Variants in RNGTT observed in about 807,000 individuals in gnomAD.
RNGTT encodes the protein mRNA-capping enzyme.
In RNGTT, 33 loss-of-function variants were observed where a neutral mutation model predicts 79.3. The ratio of observed to expected loss-of-function variants is 0.42; its 90% confidence interval spans 0.32 to 0.56. The LOEUF (loss-of-function observed/expected upper bound fraction) is 0.56. Among genes scored for constraint, RNGTT ranks in the 20% least tolerant of loss-of-function variants. RNGTT has a pLI of 0.17. For synonymous variants in RNGTT, 222 were observed against 235.9 expected, an observed-to-expected ratio of 0.94 and a Z score of 0.54; for missense variants, 497 against 739.1, an observed-to-expected ratio of 0.67 and a Z score of 3.80.
chr6:88,808,425 A>G (rs143236959), intron 11 of RNGTT, among the ~76,000 whole-genome samples: 3 of 152,336 alleles, frequency 2.0e-5, no homozygotes, highest in African/African-American at 4.8e-5. Flanking sequence ...GAATAAGAAC[A>G]TTCTCAAGTA....
At chr6:88,635,984 A>T (rs1395178106) in intron 14 of RNGTT, among the ~76,000 whole-genome samples, 1 of 152,032 alleles carries the variant, frequency 6.6e-6, no homozygotes, top group Non-Finnish European at 1.5e-5. Context: ...CCTTTTTAAG[A>T]GATATAGGTC....
chr6:88,958,696 A>T (rs1174121977), intron 1 of RNGTT, among the ~76,000 whole-genome samples: 1 of 152,238 alleles, frequency 6.6e-6, no homozygotes, highest in African/African-American at 2.4e-5. Context: ...CATAATTAAA[A>T]TATCAAAAAA....
intron 1 of RNGTT, among the ~76,000 whole-genome samples, chr6:88,947,260 C>A: frequency 1.5e-5 from 1 of 65,840 alleles, no homozygotes; most frequent in Non-Finnish European, 2.9e-5. Flanking sequence ...CCCGGCCGCC[C>A]ATATTCTGAG....
intron 13 of RNGTT, among the ~76,000 whole-genome samples, chr6:88,720,923 A>T (rs900595365): frequency 6.6e-6 from 1 of 152,068 alleles, no homozygotes; most frequent in African/African-American, 2.4e-5. Flanking sequence ...ACGTCAAACC[A>T]TGTTTTTTAT....
intron 14 of RNGTT, among the ~76,000 whole-genome samples, chr6:88,629,514 C>T (rs913083345): frequency 1.3e-5 from 2 of 152,066 alleles, no homozygotes; most frequent in African/African-American, 4.8e-5. Flanking sequence ...CATTTTGTTC[C>T]CTCCTTCCCC....
chr6:88,630,001 C>T (rs1370161657), intron 14 of RNGTT, among the ~76,000 whole-genome samples: 1 of 152,090 alleles, frequency 6.6e-6, no homozygotes, highest in Non-Finnish European at 1.5e-5. Flanking sequence ...GAATGCGCCC[C>T]CTACCAATGC....
rs202043082 is a variant in RNGTT, at chr6:88,746,037, GGGTTCT to G, written c.1439+23731_1439+23736del. 5.0e-3 allele frequency among the ~76,000 whole-genome samples: 763 copies of G among 152,266 alleles called. 5 individuals are homozygous for G. Among genetic ancestry groups the G allele is most frequent in the African/African-American group, 0.017 (705 of 41,556 alleles). On this transcript the variant is annotated intron_variant, in intron 13 of 15. Transcript: ENST00000369485. ...AAGGGACACTACAAGGGCATAGCCT[GGGTTCT>G]GGTTTGGATGTTTTTCTATGATGCA...
intron 11 of RNGTT, among the ~76,000 whole-genome samples, chr6:88,827,935 T>A (rs1287262438): frequency 6.6e-6 from 1 of 152,108 alleles, no homozygotes; most frequent in African/African-American, 2.4e-5. Context: ...ACAGAGTACC[T>A]GGGGGAAGGG....
At chr6:88,819,942 C>T (rs563925742) in intron 11 of RNGTT, among the ~76,000 whole-genome samples, 5 of 152,150 alleles carry the variant, frequency 3.3e-5, no homozygotes, top group African/African-American at 1.2e-4. Context: ...ATTTCACGAA[C>T]ATTCTCAAAA....
chr6:88,785,976 A>C (rs1343362365), intron 12 of RNGTT, among the ~76,000 whole-genome samples: 2 of 152,152 alleles, frequency 1.3e-5, no homozygotes, highest in Non-Finnish European at 2.9e-5. Flanking sequence ...ACATTAAAAA[A>C]CAATTATATC....
At chr6:88,887,141 C>A (rs1314961726) in intron 8 of RNGTT, among the ~76,000 whole-genome samples, 1 of 151,392 alleles carries the variant, frequency 6.6e-6, no homozygotes, top group East Asian at 1.9e-4. Flanking sequence ...TTACACAATA[C>A]CTTTTACTGT....
intron 11 of RNGTT, among the ~76,000 whole-genome samples, chr6:88,807,280 T>A (rs969189499): frequency 2.0e-5 from 3 of 152,126 alleles, no homozygotes; most frequent in African/African-American, 7.2e-5. Flanking sequence ...AAAATAACAT[T>A]GTAAATGATC....
At chr6:88,752,411 C>T (rs921759218) in intron 13 of RNGTT, among the ~76,000 whole-genome samples, 7 of 151,978 alleles carry the variant, frequency 4.6e-5, no homozygotes, top group Admixed American at 1.3e-4. Context: ...GAGTGTCTAG[C>T]AATAAAAATA....
At chr6:88,732,272 A>G (rs1002372474) in intron 13 of RNGTT, among the ~76,000 whole-genome samples, 1 of 152,246 alleles carries the variant, frequency 6.6e-6, no homozygotes, top group African/African-American at 2.4e-5. Flanking sequence ...CAAGAAGCAC[A>G]TGAAAAGTGT....
At chr6:88,847,216 C>T (rs996977697) in intron 10 of RNGTT, among the ~76,000 whole-genome samples, 3 of 152,046 alleles carry the variant, frequency 2.0e-5, no homozygotes, top group Non-Finnish European at 4.4e-5. Context: ...CAATGAAACG[C>T]TGTGCAAATG....
At chr6:88,853,953 C>T (rs1356056070) in intron 8 of RNGTT, among the ~76,000 whole-genome samples, 189 bp from the exon 9 acceptor site, 1 of 150,720 alleles carries the variant, frequency 6.6e-6, no homozygotes, top group African/African-American at 2.4e-5. Flanking sequence ...CAGAGTCTTC[C>T]TCTGTTGCCC....
chr6:88,953,253 G>A (rs1303676728), intron 1 of RNGTT, among the ~76,000 whole-genome samples: 1 of 152,050 alleles, frequency 6.6e-6, no homozygotes, highest in Non-Finnish European at 1.5e-5. Context: ...ATTCTCCAGA[G>A]AGAAATAGAG....
chr6:88,634,643 T>C (rs2756377), intron 14 of RNGTT, among the ~76,000 whole-genome samples: 11,313 of 152,186 alleles, frequency 0.074, 1,463 homozygotes, highest in African/African-American at 0.26. Flanking sequence ...ACTTAACGAA[T>C]AGCCTACTGA....
intron 13 of RNGTT, among the ~76,000 whole-genome samples, chr6:88,729,943 T>C (rs2127819150): frequency 6.6e-6 from 1 of 152,248 alleles, no homozygotes; most frequent in East Asian, 1.9e-4. Flanking sequence ...GTAATGGGTG[T>C]ATTTATTCTT....
Sources: allele counts gnomAD v4.1 joint callset (sites outside exome capture counted in the v4.1 genomes callset), GRCh38; gene constraint gnomAD v4.1.1; transcripts MANE v1.5; gene names NCBI Gene and HGNC (gene_info 2026-07-23, HGNC 2026-07-21).